The following GNB5 variants were observed in gnomAD, a reference collection of about 807,000 sequenced individuals.
GNB5 encodes the protein G protein subunit beta 5, also known as guanine nucleotide-binding protein subunit beta-5.
Under a neutral mutation model 55.3 loss-of-function variants are expected in GNB5, and 37 were observed. The observed-to-expected ratio is 0.67, with a 90% confidence interval of 0.51 to 0.88. The LOEUF (loss-of-function observed/expected upper bound fraction) is 0.88, where lower values mean the gene tolerates loss of function less well. Among genes scored for constraint, GNB5 ranks in the 40% least tolerant of loss-of-function variants. GNB5 has a pLI of 0.00. For synonymous variants in GNB5, 219 were observed against 198.5 expected (o/e 1.10, Z -0.87); for missense variants, 476 against 515.3 (o/e 0.92, Z 0.74).
In GNB5 at chr15:52,183,816, C is replaced by A. The variant is rs558681867; in HGVS notation, c.126+735G>T. Among the ~76,000 whole-genome samples, 8 of 152,324 alleles carry A rather than the reference C, an allele frequency of 5.3e-5. No homozygotes were observed. The South Asian group carries it at 1.5e-3, about 28-fold the overall frequency. On this transcript the variant is annotated intron_variant, in intron 2 of 12. Coordinates refer to ENST00000261837, the MANE Select transcript of GNB5 (RefSeq NM_016194.4). ...CAAATTCTCAGAGATAGGACTAATT[C>A]TTAGGGCTTCAGTGATGCTGTGGGC...
At position 52,132,636 on chromosome 15, in the gene GNB5, A is replaced by ATTTTTTTTTTTTT. The variant is rs1216272462; in HGVS notation, c.863+729_863+741dup. 5.1e-3 allele frequency among the ~76,000 whole-genome samples: 684 copies of ATTTTTTTTTTTTT among 134,618 alleles called. 17 individuals are homozygous for ATTTTTTTTTTTTT. The highest frequency in any genetic ancestry group is 7.9e-3 in the Non-Finnish European group (501 of 63,136). 88.3% of individuals were successfully genotyped at this position (134,618 alleles called of 152,430 possible). A position where few individuals can be genotyped will look rare whatever the true frequency, so the allele number is the denominator to read the frequency against. On this transcript the variant is annotated intron_variant, in intron 9 of 12. Transcript: ENST00000261837. ...CTCCACACATCACCATGCCCTGCTA[A>ATTTTTTTTTTTTT]TTTTTTTTTTTTTTTTGGTAGAGAC...
rs1014496867 is a variant in GNB5 at position 52,119,254 on chromosome 15, G to A, written c.*3503C>T. The A allele has an allele frequency of 8.2e-6, 1 of 121,376 alleles. No homozygotes were observed. Among genetic ancestry groups the A allele is most frequent in the Non-Finnish European group, 1.7e-5 (1 of 58,784 alleles). 7.5% of individuals were successfully genotyped at this position (121,376 alleles called of 1,614,324 possible). On this transcript the variant is annotated 3_prime_UTR_variant, in exon 13 of 13. Transcript: ENST00000261837. Reference sequence around the variant, plus strand: ...GGAGAGGGGGAGGGGGCAGAGAAGAGGAAAGAGGAGATAGGAAGGAGAGAG... The same window carrying A: ...GGAGAGGGGGAGGGGGCAGAGAAGAAGAAAGAGGAGATAGGAAGGAGAGAG...
intron 7 of GNB5, chr15:52,139,795 A>G: frequency 8.1e-7 from 1 of 1,231,202 alleles, no homozygotes; most frequent in Middle Eastern, 3.5e-4. Flanking sequence ...CTTGTTGGAA[A>G]AGAAAGCACT....
Position 52,115,698 on chromosome 15 carries a change from CT to C in GNB5, c.*7058del, listed in dbSNP as rs1410059727. The C allele has an allele frequency of 6.6e-6, 1 of 152,168 alleles. No individual in the cohort carries two copies. The highest frequency in any genetic ancestry group is 2.4e-5 in the African/African-American group (1 of 41,438). 9.4% of individuals were successfully genotyped at this position (152,168 alleles called of 1,614,324 possible). ...ATTTTTTCCACGTTTTAAGTAACAG[CT>C]TTATTGAGATGTAATTCATATACCA... On this transcript the variant is annotated 3_prime_UTR_variant, in exon 13 of 13. Transcript: ENST00000261837.
rs1326435820 is a variant in GNB5, at chr15:52,122,470, GCT to G, written c.*285_*286del. The G allele has an allele frequency of 4.9e-4, 196 of 397,856 alleles. 1 individual carries two copies. The East Asian group carries it at 7.9e-3, about 16-fold the overall frequency. 24.6% of individuals were successfully genotyped at this position (397,856 alleles called of 1,614,324 possible). A position where few individuals can be genotyped will look rare whatever the true frequency, so the allele number is the denominator to read the frequency against. Reference sequence around the variant, plus strand: ...TCTACTGGTGACAGAATGAGTTGAGGCTACTATAATTTAGAATAACCTTAAAA... The same window carrying G: ...TCTACTGGTGACAGAATGAGTTGAGGACTATAATTTAGAATAACCTTAAAA... On this transcript the variant is annotated 3_prime_UTR_variant, in exon 13 of 13. Transcript: ENST00000261837.
At chr15:52,176,649 G>A (rs2034655846) in intron 3 of GNB5, among the ~76,000 whole-genome samples, 1 of 152,186 alleles carries the variant, frequency 6.6e-6, no homozygotes. Flanking sequence ...GCTGGCAAGT[G>A]GCACGCAAGG....
chr15:52,153,155 G>C (rs372546772), intron 4 of GNB5, among the ~76,000 whole-genome samples: 3 of 152,212 alleles, frequency 2.0e-5, no homozygotes, highest in African/African-American at 7.2e-5. Flanking sequence ...TCTGAGGCCA[G>C]GTCATGAAAT....
At chr15:52,167,336 C>T (rs1392173322) in intron 3 of GNB5, among the ~76,000 whole-genome samples, 1 of 152,152 alleles carries the variant, frequency 6.6e-6, no homozygotes, top group Non-Finnish European at 1.5e-5. Flanking sequence ...ATCAGGTCAG[C>T]ATCATCCTGA....
intron 4 of GNB5, among the ~76,000 whole-genome samples, chr15:52,152,904 CA>C (rs1214156643): frequency 6.6e-6 from 1 of 152,252 alleles, no homozygotes; most frequent in African/African-American, 2.4e-5. Context: ...GGATTATAGG[CA>C]TGAGCCACTA....
At chr15:52,177,001 C>G (rs536625187) in intron 3 of GNB5, among the ~76,000 whole-genome samples, 1 of 151,894 alleles carries the variant, frequency 6.6e-6, no homozygotes, top group Non-Finnish European at 1.5e-5. Flanking sequence ...AAACACACCC[C>G]CTCCTGGGGC....
At chr15:52,136,159 CACACACACACACA>C (rs769753871) in intron 7 of GNB5, among the ~76,000 whole-genome samples, 1,726 of 127,452 alleles carry the variant, frequency 0.014, 36 homozygotes, top group African/African-American at 0.021. Context: ...CACACACACA[CACACACACACACA>C]CCCTACCTGC....
At chr15:52,189,798 G>A (rs2034893759) in intron 1 of GNB5, among the ~76,000 whole-genome samples, 1 of 152,142 alleles carries the variant, frequency 6.6e-6, no homozygotes, top group African/African-American at 2.4e-5. Context: ...GCTATCCTAT[G>A]ACAGAAGCCA....
intron 5 of GNB5, chr15:52,149,338 G>A (rs1224773264): frequency 1.2e-5 from 2 of 169,396 alleles, no homozygotes; most frequent in Admixed American, 1.2e-4. Context: ...CAGCATACCT[G>A]CACATAGGTT....
At chr15:52,156,998 G>C (rs12908833) in intron 3 of GNB5, among the ~76,000 whole-genome samples, 23,714 of 148,732 alleles carry the variant, frequency 0.16, 2,199 homozygotes, top group Admixed American at 0.27. Context: ...TGCAGTGGCG[G>C]GATCTCGGCT....
chr15:52,133,848 G>A (rs2033637292), intron 8 of GNB5, among the ~76,000 whole-genome samples: 1 of 152,220 alleles, frequency 6.6e-6, no homozygotes, highest in Non-Finnish European at 1.5e-5. Flanking sequence ...AGGCAGGCAG[G>A]CAGTGGTGTG....
intron 12 of GNB5, among the ~76,000 whole-genome samples, chr15:52,123,797 C>T (rs933667604): frequency 6.6e-6 from 1 of 151,988 alleles, no homozygotes; most frequent in Non-Finnish European, 1.5e-5. Flanking sequence ...CCTGACTTGG[C>T]CTCCCAAAGT....
At chr15:52,155,310 C>T (rs1403064513) in intron 3 of GNB5, among the ~76,000 whole-genome samples, 4 of 152,182 alleles carry the variant, frequency 2.6e-5, no homozygotes, top group Non-Finnish European at 4.4e-5. Context: ...TGAGGCTTGA[C>T]GGGGCCGTGG....
In GNB5 at chr15:52,124,552, T is replaced by C; in HGVS notation, c.1097A>G (p.His366Arg). 6.2e-7 allele frequency: 1 copy of C among 1,613,840 alleles called. No homozygotes were observed. Among genetic ancestry groups the C allele is most frequent in the Non-Finnish European group, 8.5e-7 (1 of 1,179,662 alleles). ...TCGTAGAGTGCTAACGCGGTTTTCATGTCCAAACAGGATGGAGACCCGGGA... is the reference window on the plus strand; with the variant it reads ...TCGTAGAGTGCTAACGCGGTTTTCACGTCCAAACAGGATGGAGACCCGGGA... ...KGSRVSILFG[H>R]ENRVSTLRVS... The change falls in exon 12 of 13, where the codon CAT becomes CGT. Residue 366 changes from histidine (H) to arginine (R), a missense_variant. His to Arg is a conservative substitution (Grantham distance 29). Transcript: ENST00000261837.
chr15:52,174,175 A>T (rs968263612), intron 3 of GNB5, among the ~76,000 whole-genome samples: 1 of 152,226 alleles, frequency 6.6e-6, no homozygotes, highest in Admixed American at 6.5e-5. Context: ...AGAAGCTGGA[A>T]AAAGCAAGAA....
Sources: gnomAD v4.1 joint callset for allele counts (sites outside exome capture counted in the v4.1 genomes callset) on GRCh38, gnomAD v4.1.1 for gene constraint, MANE v1.5 for transcripts, NCBI Gene and HGNC (gene_info 2026-07-23, HGNC 2026-07-21) for gene names.